The following TLN1 variants were observed in gnomAD, a reference collection of about 807,000 sequenced individuals.
TLN1 encodes the protein talin 1.
A neutral mutation model predicts 292.3 loss-of-function variants in TLN1; 56 were observed. The observed-to-expected ratio is 0.19, with a 90% CI of 0.15 to 0.24. The LOEUF is 0.24. Among genes scored for constraint, TLN1 ranks in the 10% least tolerant of loss-of-function variants. The pLI, the probability that TLN1 is intolerant of heterozygous loss-of-function variation, is 1.00. For synonymous variants in TLN1, 1,119 were observed against 1,253.7 expected, an observed-to-expected ratio of 0.89 and a Z score of 2.27; for missense variants, 2,433 against 3,248.2, an observed-to-expected ratio of 0.75 and a Z score of 6.10.
rs1377638519 is a variant in TLN1 at position 35,699,609 on chromosome 9, C to T, written c.6769-148G>A. The T allele has an allele frequency of 9.1e-6, 13 of 1,427,374 alleles. No homozygotes were observed. Among genetic ancestry groups the T allele is most frequent in the African/African-American group, 4.3e-5 (3 of 69,564 alleles). The allele number at this position is 1,427,374 out of a possible 1,614,324, so 88.4% of individuals were successfully genotyped here. On this transcript the variant is annotated intron_variant, in intron 50 of 56. Coordinates refer to ENST00000314888, the MANE Select transcript of TLN1 (RefSeq NM_006289.4). This position sits in a 1 kb window ranked among gnomAD's most constrained non-coding sequence, Gnocchi z 4.0. ...AAACTCCACGCTGCCTATCCAAGTA[C>T]ACATCATGCATCACACCTCACACGT... is the stretch of plus-strand genomic sequence containing the variant.
At chr9:35,720,964 T>A in intron 10 of TLN1, 51 bp from the exon 11 acceptor site, 2 of 1,460,906 alleles carry the variant, frequency 1.4e-6, no homozygotes, top group African/African-American at 2.8e-5. Flanking sequence ...CTATCCAGGA[T>A]GGAAATGGCT....
At chr9:35,726,357 G>A (rs1284850435) in intron 1 of TLN1, among the ~76,000 whole-genome samples, 1 of 152,112 alleles carries the variant, frequency 6.6e-6, no homozygotes, top group Non-Finnish European at 1.5e-5. Flanking sequence ...TATCTCTCTT[G>A]CCCCTTGTCC....
In TLN1 at chr9:35,720,023, G is replaced by A. The variant is rs377550571; in HGVS notation, c.1464+16C>T. 2.5e-6 allele frequency: 4 copies of A among 1,577,750 alleles called. No individual in the cohort carries two copies. The highest frequency in any genetic ancestry group is 2.7e-5 in the African/African-American group (2 of 73,858). ...AGAGAAGGGCCCTGGCACCGTGGTG[G>A]AAGTGGGACACTTACCAGAGGAGGC... On this transcript the variant is annotated intron_variant, in intron 13 of 56. Coordinates refer to ENST00000314888, the MANE Select transcript of TLN1 (RefSeq NM_006289.4).
chr9:35,709,904 A>G (rs1825632242), intron 33 of TLN1, among the ~76,000 whole-genome samples: 1 of 130,580 alleles, frequency 7.7e-6, no homozygotes, highest in Admixed American at 8.1e-5. Context: ...AAAAAAAAAA[A>G]AAAAAAAAAA....
Position 35,717,867 on chromosome 9 carries a change from T to C in TLN1, c.1996-81A>G, listed in dbSNP as rs1443371625. 8.8e-6 allele frequency: 13 copies of C among 1,472,772 alleles called. No homozygotes were observed. Among genetic ancestry groups the C allele is most frequent in the Admixed American group, 1.9e-5 (1 of 52,858 alleles). 91.2% of individuals were successfully genotyped at this position (1,472,772 alleles called of 1,614,324 possible). On this transcript the variant is annotated intron_variant, in intron 17 of 56. Transcript: ENST00000314888. The surrounding 1 kb of genome is among the most constrained non-coding windows in gnomAD (Gnocchi z 4.7). ...CTTCTCAGAGGCGTAAGCTGCTTCA[T>C]TATTCCCACTGATCCAATCAAAGGA...
intron 28 of TLN1, 101 bp downstream of exon 28, chr9:35,711,904 C>T (rs1825676633): frequency 6.3e-7 from 1 of 1,592,952 alleles, no homozygotes; most frequent in Non-Finnish European, 8.5e-7. Context: ...TGAAAGGGGA[C>T]AGATCTGGGA....
chr9:35,730,054 A>C (rs1464664572), intron 1 of TLN1, among the ~76,000 whole-genome samples: 1 of 151,906 alleles, frequency 6.6e-6, no homozygotes. Context: ...ATATATGACC[A>C]GTCACTGCAT....
At chr9:35,721,537 T>G in intron 10 of TLN1, 111 bp downstream of exon 10, 4 of 1,248,854 alleles carry the variant, frequency 3.2e-6, no homozygotes, top group Non-Finnish European at 4.3e-6. Context: ...AACCTCCTTT[T>G]TTTCTGGAGT....
rs1398407138 is a variant in TLN1, at chr9:35,700,296, T to C, written c.6555A>G (p.Ala2185=). The change falls in exon 49 of 57, where the codon GCA becomes GCG. Residue 2185 remains alanine, a synonymous_variant. Transcript: ENST00000314888. The stretch of plus-strand genomic sequence containing the variant: ...TGCCAGCAGCAACGGCCTTGGCGGT[T>C]GCCATGGTGATACCCTTGGTCATTC... ...FIRMTKGITM[A]TAKAVAAGNS... 1.2e-6 allele frequency: 2 copies of C among 1,613,576 alleles called. No individual in the cohort carries two copies. The highest frequency in any genetic ancestry group is 1.7e-6 in the Non-Finnish European group (2 of 1,179,636).
chr9:35,723,295 G>C (rs556245160), intron 7 of TLN1: 3 of 222,402 alleles, frequency 1.3e-5, no homozygotes, highest in African/African-American at 7.1e-5. Context: ...GAGATACATG[G>C]TTTCTCCACG....
In TLN1 at chr9:35,703,564, A is replaced by T. The variant is rs376996591; in HGVS notation, c.6470T>A (p.Leu2157Gln). The part of the protein sequence containing the change: ...EATTEHIRQE[L>Q]AVFCSPEPPA... ...ATGCCCCAGACTCTCACTCACCGCC[A>T]GCTCCTGCCGTATGTGTTCTGTGGT... Residue 2157 changes from leucine to glutamine, a missense_variant, in exon 48 of 57, where the codon CTG becomes CAG. This residue lies in a region of TLN1 where 1,384 missense variants were observed against 1,699.6 expected (regional missense o/e 0.81). Transcript: ENST00000314888. 1.2e-6 allele frequency: 2 copies of T among 1,614,100 alleles called. No homozygotes were observed. The highest frequency in any genetic ancestry group is 1.7e-6 in the Non-Finnish European group (2 of 1,179,982).
In TLN1 at chr9:35,699,679, A is replaced by T; in HGVS notation, c.6769-218T>A. 2.0e-6 allele frequency: 2 copies of T among 985,432 alleles called. No individual in the cohort carries two copies. The highest frequency in any genetic ancestry group is 2.4e-6 in the Non-Finnish European group (2 of 829,934). 61.0% of individuals were successfully genotyped at this position (985,432 alleles called of 1,614,324 possible). On this transcript the variant is annotated intron_variant, in intron 50 of 56. Coordinates refer to ENST00000314888, the MANE Select transcript of TLN1 (RefSeq NM_006289.4). This position sits in a 1 kb window ranked among gnomAD's most constrained non-coding sequence, Gnocchi z 4.0. ...TGTCACTCACCGGCTGACAAGGAGC[A>T]AGGAGAATGATGAGATGAAAGAGGA...
intron 17 of TLN1, among the ~76,000 whole-genome samples, chr9:35,718,324 A>C (rs1239417666): frequency 6.6e-6 from 1 of 152,232 alleles, no homozygotes; most frequent in Admixed American, 6.5e-5. Context: ...AGAGAGGACA[A>C]AGCTGGGAAG....
intron 48 of TLN1, 74 bp downstream of exon 48, chr9:35,703,486 T>C: frequency 1.5e-6 from 2 of 1,350,842 alleles, no homozygotes; most frequent in Non-Finnish European, 2.1e-6. Flanking sequence ...TGAGTATATG[T>C]GTGGCACAGG....
chr9:35,703,870 C>T lies in TLN1; in HGVS notation c.6262G>A (p.Ala2088Thr). Residue 2088 changes from alanine to threonine, a missense_variant, in exon 47 of 57, where the codon GCC becomes ACC. Physicochemically the swap from Ala to Thr is moderately conservative, Grantham distance 58. Coordinates refer to ENST00000314888, the MANE Select transcript of TLN1 (RefSeq NM_006289.4). ...VVLINAVKDV[A>T]KALGDLISAT... is the part of the protein sequence containing the mutation. ...CTGATGAGGTCTCCCAGGGCTTTGG[C>T]TACATCTTTCACTGCGTTGATTAGT... 1 of 1,614,210 alleles carries T rather than the reference C, an allele frequency of 6.2e-7. No individual in the cohort carries two copies. The highest frequency in any genetic ancestry group is 1.1e-5 in the South Asian group (1 of 91,088).
In TLN1 at chr9:35,705,987, T is replaced by C; in HGVS notation, c.5486A>G (p.Asp1829Gly). Residue 1829 changes from aspartate to glycine, a missense_variant, in exon 41 of 57, where the codon GAC becomes GGC. Asp to Gly is a moderately conservative substitution (Grantham distance 94). Transcript: ENST00000314888. The stretch of plus-strand genomic sequence containing the variant: ...CTGGTTGATGGCCTGGGTGATGGAG[T>C]CCACCATGCCACCCACGACCCCAGC... ...SAAGVVGGMV[D>G]SITQAINQLD... The C allele has an allele frequency of 6.2e-7, 1 of 1,613,966 alleles. No homozygotes were observed. Among genetic ancestry groups the C allele is most frequent in the Non-Finnish European group, 8.5e-7 (1 of 1,179,982 alleles).
chr9:35,706,368 T>C lies in TLN1; in HGVS notation c.5191-2A>G. On this transcript the variant is annotated splice_acceptor_variant, in intron 39 of 56. Coordinates refer to ENST00000314888, the MANE Select transcript of TLN1 (RefSeq NM_006289.4). LOFTEE classifies it high-confidence loss of function. The surrounding 1 kb of genome is among the most constrained non-coding windows in gnomAD (Gnocchi z 4.2). ...AAAGTACTGCGCCATCTGGGACACC[T>C]GAGGCAAGGGGTTGGACTAGGGGTC... is the stretch of plus-strand genomic sequence containing the variant. 1 of 1,609,650 alleles carries C rather than the reference T, an allele frequency of 6.2e-7. No homozygotes were observed. Among genetic ancestry groups the C allele is most frequent in the East Asian group, 2.2e-5 (1 of 44,828 alleles).
Position 35,705,650 on chromosome 9 carries a change from G to A in TLN1, c.5634C>T (p.Ser1878=), listed in dbSNP as rs1251036983. The A allele has an allele frequency of 6.2e-7, 1 of 1,610,906 alleles. No homozygotes were observed. The highest frequency in any genetic ancestry group is 2.2e-5 in the East Asian group (1 of 44,782). Residue 1878 remains serine, a synonymous_variant, in exon 43 of 57, where the codon AGC becomes AGT. Coordinates refer to ENST00000314888, the MANE Select transcript of TLN1 (RefSeq NM_006289.4). ...VQEMVTKSNT[S]PEELGPLANQ... The stretch of plus-strand genomic sequence containing the variant: ...TAGCAAGAGGGCCCAGCTCCTCTGG[G>A]CTGGTGTTTGACTTGGTAACCTGGT...
chr9:35,697,502 G>A lies in TLN1; in HGVS notation c.*289C>T. ...AGCTGCTGGCAGGGTGGAGTGGGCT[G>A]GGGCCCCGGCAGATTCAGATCGAGG... On this transcript the variant is annotated 3_prime_UTR_variant, in exon 57 of 57. Coordinates refer to ENST00000314888, the MANE Select transcript of TLN1 (RefSeq NM_006289.4). 2 of 405,486 alleles carry A rather than the reference G, an allele frequency of 4.9e-6. No homozygotes were observed. Among genetic ancestry groups the A allele is most frequent in the Non-Finnish European group, 8.9e-6 (2 of 225,302 alleles). The allele number at this position is 405,486 out of a possible 1,614,324, so 25.1% of individuals were successfully genotyped here.
Sources: gnomAD v4.1 joint callset for allele counts (sites outside exome capture counted in the v4.1 genomes callset) on GRCh38, gnomAD v4.1.1 for gene constraint, gnomAD v4.1.1 regional missense constraint, Gnocchi (gnomAD v3.1) non-coding constraint, MANE v1.5 for transcripts, NCBI Gene and HGNC (gene_info 2026-07-23, HGNC 2026-07-21) for gene names.